SNX29: variants seen among roughly 807,000 people sequenced by gnomAD.
SNX29 encodes sorting nexin-29.
A neutral mutation model predicts 102.1 loss-of-function variants in SNX29; 78 were observed. That is an observed-to-expected ratio of 0.76 (90% CI 0.64 to 0.92). The LOEUF is 0.92. SNX29 is among the 40% of genes least tolerant of loss of function. The pLI is 0.00. For synonymous variants in SNX29, 580 were observed against 414.5 expected (o/e 1.40, Z -4.85); for missense variants, 1,280 against 1,061.7 (o/e 1.21, Z -2.86).
chr16:12,414,863 G>T (rs532113737), intron 18 of SNX29, among the ~76,000 whole-genome samples: 16 of 152,200 alleles, frequency 1.1e-4, no homozygotes, highest in African/African-American at 3.6e-4. Flanking sequence ...CTGGGATTAC[G>T]TGTGCCCACC....
At chr16:12,197,505 A>G (rs566696232) in intron 13 of SNX29, among the ~76,000 whole-genome samples, 24 of 152,222 alleles carry the variant, frequency 1.6e-4, no homozygotes, top group Non-Finnish European at 3.2e-4. Context: ...CAGGAGGCAG[A>G]GGTTGCAGTG....
At chr16:12,437,709 G>A (rs1406605423) in intron 18 of SNX29, among the ~76,000 whole-genome samples, 1 of 152,104 alleles carries the variant, frequency 6.6e-6, no homozygotes, top group Non-Finnish European at 1.5e-5. Flanking sequence ...GAGCACACCG[G>A]CACCCAGATT....
At chr16:12,180,977 G>A (rs772472319) in intron 13 of SNX29, among the ~76,000 whole-genome samples, 4 of 152,134 alleles carry the variant, frequency 2.6e-5, no homozygotes, top group African/African-American at 9.7e-5. Flanking sequence ...TCTCGCTCCT[G>A]CTAAACTGTG....
intron 1 of SNX29, among the ~76,000 whole-genome samples, chr16:11,997,271 T>C (rs2056110569): frequency 6.6e-6 from 1 of 152,194 alleles, no homozygotes; most frequent in African/African-American, 2.4e-5. Flanking sequence ...CTGTTTGCTC[T>C]GTCTGGAACA....
In SNX29 at chr16:12,569,064, C is replaced by T. The variant is rs548739867; in HGVS notation, c.*435C>T. On this transcript the variant is annotated 3_prime_UTR_variant, in exon 21 of 21. Transcript: ENST00000566228. ...ACGTGGGGACTAGAATGACTATTAG[C>T]CTCTCCTTTTGCTTTTTAAGGTTAT... The T allele has an allele frequency of 5.5e-4, 111 of 202,266 alleles. 2 individuals carry two copies. In the South Asian group the frequency reaches 0.019, roughly 34 times the overall value. The allele number at this position is 202,266 out of a possible 1,614,324, so 12.5% of individuals were successfully genotyped here.
intron 10 of SNX29, among the ~76,000 whole-genome samples, chr16:12,074,822 C>G (rs908380235): frequency 1.3e-5 from 2 of 152,204 alleles, no homozygotes; most frequent in African/African-American, 4.8e-5. Flanking sequence ...CAGATTTGGT[C>G]TTTTCATATA....
intron 1 of SNX29, among the ~76,000 whole-genome samples, chr16:11,983,064 G>T (rs1218861628): frequency 6.6e-6 from 1 of 151,896 alleles, no homozygotes; most frequent in Non-Finnish European, 1.5e-5. Context: ...CTGAGTAGCT[G>T]GGATTACGGG....
At chr16:12,029,469 C>A (rs1428297521) in intron 4 of SNX29, 1 of 424,512 alleles carries the variant, frequency 2.4e-6, no homozygotes, top group Non-Finnish European at 4.7e-6. Context: ...CACTGGAAAC[C>A]CAAGTAGCCA....
intron 14 of SNX29, among the ~76,000 whole-genome samples, chr16:12,238,735 G>A (rs2078013237): frequency 6.6e-6 from 1 of 152,230 alleles, no homozygotes; most frequent in Non-Finnish European, 1.5e-5. Flanking sequence ...CTTGGCTGCT[G>A]GTAACAGAGA....
intron 17 of SNX29, among the ~76,000 whole-genome samples, 191 bp from the exon 18 acceptor site, chr16:12,403,257 G>T (rs1276681123): frequency 6.9e-6 from 1 of 145,752 alleles, no homozygotes; most frequent in Non-Finnish European, 1.5e-5. Flanking sequence ...TGTGTGTGTA[G>T]AGAGAGACAG....
At chr16:12,158,417 C>G (rs2055646108) in intron 13 of SNX29, among the ~76,000 whole-genome samples, 1 of 152,112 alleles carries the variant, frequency 6.6e-6, no homozygotes, top group Non-Finnish European at 1.5e-5. Context: ...CCAGGCTGGT[C>G]TCGAACTCCT....
At chr16:12,484,304 G>A (rs188119638) in intron 19 of SNX29, among the ~76,000 whole-genome samples, 32 of 152,244 alleles carry the variant, frequency 2.1e-4, no homozygotes, top group African/African-American at 7.5e-4. Flanking sequence ...ATGAACCACT[G>A]CCCCTGGCTC....
intron 3 of SNX29, among the ~76,000 whole-genome samples, chr16:12,009,549 A>G (rs1023198611): frequency 2.0e-5 from 3 of 152,014 alleles, no homozygotes; most frequent in Non-Finnish European, 4.4e-5. Context: ...TTCACATGGA[A>G]CATAAAACAG....
At chr16:12,490,807 T>C (rs1482695947) in intron 19 of SNX29, among the ~76,000 whole-genome samples, 1 of 152,240 alleles carries the variant, frequency 6.6e-6, no homozygotes, top group Non-Finnish European at 1.5e-5. Context: ...TGCCCTGGAA[T>C]ACACAGGAAA....
intron 19 of SNX29, among the ~76,000 whole-genome samples, chr16:12,516,918 C>G (rs1277747782): frequency 2.0e-5 from 3 of 152,160 alleles, no homozygotes; most frequent in African/African-American, 7.2e-5. Flanking sequence ...TCACAGCATT[C>G]CATCGTTTTA....
chr16:12,176,927 C>G (rs952185648), intron 13 of SNX29, among the ~76,000 whole-genome samples: 19 of 151,480 alleles, frequency 1.3e-4, no homozygotes, highest in African/African-American at 4.1e-4. Flanking sequence ...TGGGGTCGGG[C>G]TGTTCAGGGT....
chr16:12,014,537 C>T (rs527826206), intron 3 of SNX29, among the ~76,000 whole-genome samples: 2 of 151,676 alleles, frequency 1.3e-5, no homozygotes, highest in Non-Finnish European at 2.9e-5. Flanking sequence ...GTTGGAGACC[C>T]GCCTGACCAA....
intron 15 of SNX29, among the ~76,000 whole-genome samples, chr16:12,333,106 ATTT>A (rs34047585): frequency 7.4e-6 from 1 of 135,780 alleles, no homozygotes; most frequent in Non-Finnish European, 1.5e-5. Context: ...CAATCAGTTA[ATTT>A]TTTTTTTTTT....
At chr16:12,108,173 C>T (rs1199412235) in intron 11 of SNX29, among the ~76,000 whole-genome samples, 1 of 152,136 alleles carries the variant, frequency 6.6e-6, no homozygotes, top group Non-Finnish European at 1.5e-5. Context: ...AGAAGCCCTC[C>T]CAGTGGTAGA....
Sources: allele counts gnomAD v4.1 joint callset (sites outside exome capture counted in the v4.1 genomes callset), GRCh38; gene constraint gnomAD v4.1.1; transcripts MANE v1.5; gene names NCBI Gene and HGNC (gene_info 2026-07-23, HGNC 2026-07-21).